FMNL3: variants seen among roughly 807,000 people sequenced by gnomAD.
FMNL3 encodes the protein formin-like protein 3.
Under a neutral mutation model 119.6 loss-of-function variants are expected in FMNL3, and 57 were observed. The observed-to-expected ratio is 0.48, with a 90% CI of 0.39 to 0.59. The LOEUF (loss-of-function observed/expected upper bound fraction) is 0.59, where lower values mean the gene tolerates loss of function less well. FMNL3 is among the 20% of genes least tolerant of loss of function. The pLI is 0.00. For synonymous variants in FMNL3, 491 were observed against 507.3 expected (o/e 0.97, Z 0.43); for missense variants, 1,053 against 1,323.5 (o/e 0.80, Z 3.17).
intron 1 of FMNL3, among the ~76,000 whole-genome samples, chr12:49,682,982 T>C (rs963585742): frequency 6.6e-6 from 1 of 152,158 alleles, no homozygotes; most frequent in African/African-American, 2.4e-5. Context: ...TTTGCCAGGT[T>C]ATCTCTAGTG....
rs1942689719 is a variant in FMNL3, at chr12:49,641,792, G to A, written c.*4023C>T. The A allele has an allele frequency of 1.2e-6, 1 of 803,418 alleles. No homozygotes were observed. Among genetic ancestry groups the A allele is most frequent in the Non-Finnish European group, 2.1e-6 (1 of 483,222 alleles). 49.8% of individuals were successfully genotyped at this position (803,418 alleles called of 1,614,324 possible). A position where few individuals can be genotyped will look rare whatever the true frequency, so the allele number is the denominator to read the frequency against. On this transcript the variant is annotated 3_prime_UTR_variant, in exon 26 of 26. Coordinates refer to ENST00000335154, the MANE Select transcript of FMNL3 (RefSeq NM_175736.5). ...GGTTTCTAATGCAGACCACAGTCCT[G>A]TGGATCTCTTCCAGAGGCAAGGGCC...
chr12:49,692,336 A>G (rs563910143), intron 1 of FMNL3, among the ~76,000 whole-genome samples: 1 of 152,020 alleles, frequency 6.6e-6, no homozygotes, highest in Non-Finnish European at 1.5e-5. Flanking sequence ...CAAAAAAAAA[A>G]ACTTCAGTCT....
chr12:49,707,081 G>A lies in FMNL3; in HGVS notation c.100C>T (p.Leu34=), dbSNP rs1945069155. The change falls in exon 1 of 26, where the codon CTG becomes TTG. Residue 34 remains leucine (L), a synonymous_variant. Transcript: ENST00000335154. ...GKMPMPEPCE[L]EERFALVLSS... ...AGCACCAGGGCGAACCTTTCCTCCA[G>A]CTCACAGGGCTCAGGCATCGGCATC... The A allele has an allele frequency of 1.3e-6, 2 of 1,593,698 alleles. No individual in the cohort carries two copies. The highest frequency in any genetic ancestry group is 4.6e-5 in the East Asian group (2 of 43,744).
chr12:49,647,580 G>A lies in FMNL3; in HGVS notation c.2778+123C>T. The A allele has an allele frequency of 1.0e-6, 1 of 965,294 alleles. No homozygotes were observed. The highest frequency in any genetic ancestry group is 1.6e-6 in the Non-Finnish European group (1 of 627,956). The allele number at this position is 965,294 out of a possible 1,614,324, so 59.8% of individuals were successfully genotyped here. On this transcript the variant is annotated intron_variant, in intron 23 of 25. Transcript: ENST00000335154. This position sits in a 1 kb window ranked among gnomAD's most constrained non-coding sequence, Gnocchi z 4.9. ...CAGCTAAGAGGCCTGTCACCAGCTT[G>A]CATCGCTCCCTTCCCAGGACTCGGA...
In FMNL3 at chr12:49,699,907, C is replaced by T. The variant is rs548698354; in HGVS notation, c.126+7148G>A. Among the ~76,000 whole-genome samples the T allele has an allele frequency of 2.0e-5, 3 of 152,240 alleles. No homozygotes were observed. The South Asian group carries it at 6.2e-4, about 32-fold the overall frequency. ...CGGTTAGCTTACAGAGAAAGGTAGA[C>T]ACATATACTATCAGTGGAAAAGGTA... On this transcript the variant is annotated intron_variant, in intron 1 of 25. Coordinates refer to ENST00000335154, the MANE Select transcript of FMNL3 (RefSeq NM_175736.5).
chr12:49,695,903 C>G (rs1462276614), intron 1 of FMNL3, among the ~76,000 whole-genome samples: 2 of 151,858 alleles, frequency 1.3e-5, no homozygotes, highest in African/African-American at 4.8e-5. Context: ...CAGGCAGATG[C>G]TGGGAAGCTC....
At chr12:49,668,002 T>C (rs949402497) in intron 2 of FMNL3, among the ~76,000 whole-genome samples, 1 of 152,200 alleles carries the variant, frequency 6.6e-6, no homozygotes, top group Non-Finnish European at 1.5e-5. Context: ...CTCTCAACAC[T>C]GTTCATGCAG....
intron 1 of FMNL3, among the ~76,000 whole-genome samples, chr12:49,678,788 G>T (rs1944261706): frequency 6.6e-6 from 1 of 152,100 alleles, no homozygotes; most frequent in African/African-American, 2.4e-5. Flanking sequence ...ACATCAAGCG[G>T]GAAGGAATCA....
chr12:49,692,035 A>C (rs1944619850), intron 1 of FMNL3, among the ~76,000 whole-genome samples: 1 of 113,776 alleles, frequency 8.8e-6, no homozygotes, highest in Admixed American at 8.4e-5. Context: ...ACTCCATCTC[A>C]AAAAAAAAAA....
At chr12:49,693,665 T>TTTTG (rs1944674259) in intron 1 of FMNL3, among the ~76,000 whole-genome samples, 2 of 139,006 alleles carry the variant, frequency 1.4e-5, no homozygotes, top group East Asian at 2.0e-4. Context: ...TTTTTTTTTT[T>TTTTG]GAGACAGAGT....
At position 49,654,241 on chromosome 12, in the gene FMNL3, A is replaced by G; in HGVS notation, c.1022T>C (p.Val341Ala). Residue 341 changes from valine (V) to alanine (A), a missense_variant, in exon 11 of 26, where the codon GTC (valine) becomes GCC (alanine). Coordinates refer to ENST00000335154, the MANE Select transcript of FMNL3 (RefSeq NM_175736.5). ...VHSVEDMNFR[V>A]HLQYEFTKLG... ...CTTGGTAAACTCATACTGCAGGTGGACCCGGAAGTTCATGTCCTCCACCGA... is the reference window on the plus strand; with the variant it reads ...CTTGGTAAACTCATACTGCAGGTGGGCCCGGAAGTTCATGTCCTCCACCGA... 1 of 1,614,122 alleles carries G rather than the reference A, an allele frequency of 6.2e-7. No individual in the cohort carries two copies. Among genetic ancestry groups the G allele is most frequent in the Non-Finnish European group, 8.5e-7 (1 of 1,180,022 alleles).
intron 25 of FMNL3, among the ~76,000 whole-genome samples, chr12:49,646,277 C>T (rs533287647): frequency 5.3e-5 from 8 of 152,268 alleles, no homozygotes; most frequent in African/African-American, 1.7e-4. Flanking sequence ...AGAAGAGAAC[C>T]GTAGGGAAAG....
chr12:49,677,252 GT>G (rs1260665769), intron 1 of FMNL3, among the ~76,000 whole-genome samples: 2 of 152,172 alleles, frequency 1.3e-5, no homozygotes, highest in African/African-American at 4.8e-5. Context: ...TATGGTTAAT[GT>G]TTCTTCACCT....
chr12:49,670,390 A>G (rs1415492575), intron 1 of FMNL3, among the ~76,000 whole-genome samples: 2 of 152,188 alleles, frequency 1.3e-5, no homozygotes, highest in African/African-American at 2.4e-5. Flanking sequence ...TGCTGTGTCT[A>G]TTTTCACCAT....
intron 1 of FMNL3, among the ~76,000 whole-genome samples, chr12:49,682,868 C>A (rs540859905): frequency 6.6e-6 from 1 of 152,090 alleles, no homozygotes; most frequent in Non-Finnish European, 1.5e-5. Context: ...GAAATGAAGT[C>A]GACTCACTAA....
intron 1 of FMNL3, among the ~76,000 whole-genome samples, chr12:49,698,658 G>C (rs1384348712): frequency 6.6e-6 from 1 of 152,184 alleles, no homozygotes; most frequent in Non-Finnish European, 1.5e-5. Context: ...AAGAGGAAAA[G>C]AGAAGTAGAG....
intron 1 of FMNL3, among the ~76,000 whole-genome samples, chr12:49,681,861 G>T (rs895121425): frequency 1.3e-5 from 2 of 151,608 alleles, no homozygotes; most frequent in African/African-American, 4.8e-5. Context: ...CCCAACCAGG[G>T]AAAGTTATGA....
chr12:49,657,423 C>G (rs1943606346), intron 6 of FMNL3, among the ~76,000 whole-genome samples: 1 of 152,192 alleles, frequency 6.6e-6, no homozygotes, highest in African/African-American at 2.4e-5. Context: ...GGTTTTATAA[C>G]CAGTGCCCCA....
chr12:49,651,464 A>G lies in FMNL3; in HGVS notation c.1604-14T>C, dbSNP rs752708397. ...GGGGACACTTGTCTGGGGGAAGAAG[A>G]AATGACACAGTGACCCAGGCGTCAA... On this transcript the variant is annotated splice_polypyrimidine_tract_variant and intron_variant, in intron 14 of 25. Transcript: ENST00000335154. 1 of 1,460,390 alleles carries G rather than the reference A, an allele frequency of 6.8e-7. No individual in the cohort carries two copies. Among genetic ancestry groups the G allele is most frequent in the Non-Finnish European group, 9.1e-7 (1 of 1,102,180 alleles). The allele number at this position is 1,460,390 out of a possible 1,614,324, so 90.5% of individuals were successfully genotyped here. A position where few individuals can be genotyped will look rare whatever the true frequency, so the allele number is the denominator to read the frequency against.
Sources: gnomAD v4.1 joint callset for allele counts (sites outside exome capture counted in the v4.1 genomes callset) on GRCh38, gnomAD v4.1.1 for gene constraint, Gnocchi (gnomAD v3.1) non-coding constraint, MANE v1.5 for transcripts, NCBI Gene and HGNC (gene_info 2026-07-23, HGNC 2026-07-21) for gene names.